The following WHRN variants were observed in gnomAD, a reference collection of about 807,000 sequenced individuals.
WHRN encodes whirlin, also known as CASK-interacting protein CIP98.
Under a neutral mutation model 68.3 loss-of-function variants are expected in WHRN, and 41 were observed. The observed-to-expected ratio is 0.60, with a 90% CI of 0.47 to 0.78. The LOEUF (loss-of-function observed/expected upper bound fraction) is 0.78. Ranked by LOEUF, WHRN falls within the 30% of genes least tolerant of loss-of-function variation. The pLI is 0.00. For synonymous variants in WHRN, 560 were observed against 561.3 expected, an observed-to-expected ratio of 1.00 and a Z score of 0.03; for missense variants, 1,243 against 1,244.7, an observed-to-expected ratio of 1.00 and a Z score of 0.02.
chr9:114,437,983 G>A (rs887789312), intron 3 of WHRN, among the ~76,000 whole-genome samples: 2 of 152,136 alleles, frequency 1.3e-5, no homozygotes, highest in Admixed American at 6.5e-5. Flanking sequence ...CATTATAAAT[G>A]GCCATTAAAT....
chr9:114,453,123 G>A (rs1048471787), intron 3 of WHRN, among the ~76,000 whole-genome samples: 3 of 152,234 alleles, frequency 2.0e-5, no homozygotes, highest in Admixed American at 6.5e-5. Flanking sequence ...TTGGCTCATG[G>A]TCCTGCAGGC....
intron 2 of WHRN, among the ~76,000 whole-genome samples, chr9:114,467,988 A>G (rs1589207727): frequency 6.6e-6 from 1 of 152,320 alleles, no homozygotes; most frequent in Admixed American, 6.5e-5. Flanking sequence ...AGAGTTATCA[A>G]GTGTTCTGTG....
intron 8 of WHRN, among the ~76,000 whole-genome samples, 164 bp downstream of exon 8, chr9:114,407,783 A>G (rs1835143831): frequency 6.6e-6 from 1 of 152,144 alleles, no homozygotes; most frequent in Non-Finnish European, 1.5e-5. Context: ...TAGAATGGTG[A>G]GCTTGTGCAC....
rs1250409659 is a variant in WHRN, at chr9:114,403,225, T to C, written c.2533A>G (p.Thr845Ala). 1 of 1,614,054 alleles carries C rather than the reference T, an allele frequency of 6.2e-7. No homozygotes were observed. The highest frequency in any genetic ancestry group is 8.5e-7 in the Non-Finnish European group (1 of 1,179,988). ...NTRQPLPRIV[T>A]IQRGGSAHNC... ...GGCCCCTGGGGACATACCTGAATAGTGACAATCCTAGGCAGGGGCTGGCGG... is the reference window on the plus strand; with the variant it reads ...GGCCCCTGGGGACATACCTGAATAGCGACAATCCTAGGCAGGGGCTGGCGG... Residue 845 changes from threonine (T) to alanine (A), a missense_variant, in exon 11 of 12, where the codon ACT (threonine) becomes GCT (alanine). Physicochemically the swap from Thr to Ala is moderately conservative, Grantham distance 58. Coordinates refer to ENST00000362057, the MANE Select transcript of WHRN (RefSeq NM_015404.4).
intron 3 of WHRN, among the ~76,000 whole-genome samples, chr9:114,443,469 C>G (rs1838554904): frequency 6.6e-6 from 1 of 152,186 alleles, no homozygotes; most frequent in Non-Finnish European, 1.5e-5. Context: ...AAGCCAGCAA[C>G]CTCGCACCAA....
intron 2 of WHRN, among the ~76,000 whole-genome samples, chr9:114,468,326 T>C (rs1340988401): frequency 6.6e-6 from 1 of 152,150 alleles, no homozygotes; most frequent in South Asian, 2.1e-4. Flanking sequence ...CCTGACAATG[T>C]CACACAGTCG....
chr9:114,416,964 G>A (rs1487737456), intron 7 of WHRN, among the ~76,000 whole-genome samples: 1 of 152,202 alleles, frequency 6.6e-6, no homozygotes, highest in Admixed American at 6.5e-5. Context: ...CCCAGAATCT[G>A]TGCAATTAAG....
At chr9:114,420,883 C>G (rs1188425069) in intron 7 of WHRN, among the ~76,000 whole-genome samples, 1 of 152,128 alleles carries the variant, frequency 6.6e-6, no homozygotes, top group African/African-American at 2.4e-5. Context: ...AGTAGTATCA[C>G]TGTCCCTCTG....
At chr9:114,435,007 T>C (rs966965504) in intron 3 of WHRN, among the ~76,000 whole-genome samples, 2 of 152,176 alleles carry the variant, frequency 1.3e-5, no homozygotes, top group African/African-American at 2.4e-5. Context: ...ATTGTTCCTC[T>C]GCCCAAAACG....
intron 3 of WHRN, among the ~76,000 whole-genome samples, chr9:114,464,230 A>G (rs1325550946): frequency 1.3e-5 from 2 of 152,246 alleles, no homozygotes; most frequent in Non-Finnish European, 2.9e-5. Context: ...GGGAAAGAAG[A>G]CACACGATCC....
rs1441658113 is a variant in WHRN at position 114,478,691 on chromosome 9, G to C, written c.699C>G (p.Ile233Met). The change falls in exon 2 of 12, where the codon ATC becomes ATG. Residue 233 changes from isoleucine (I) to methionine (M), a missense_variant. Coordinates refer to ENST00000362057, the MANE Select transcript of WHRN (RefSeq NM_015404.4). The part of the protein sequence containing the change: ...RIPGGYVTNH[I>M]YTWVDPQGRS... Reference sequence around the variant, plus strand: ...GGCCCTGCGGGTCCACCCAGGTGTAGATGTGGTTGGTGACGTAGCCCCCAG... The same window carrying C: ...GGCCCTGCGGGTCCACCCAGGTGTACATGTGGTTGGTGACGTAGCCCCCAG... 1 of 1,613,128 alleles carries C rather than the reference G, an allele frequency of 6.2e-7. No individual in the cohort carries two copies. Among genetic ancestry groups the C allele is most frequent in the Non-Finnish European group, 8.5e-7 (1 of 1,179,998 alleles).
rs1267531418 is a variant in WHRN at position 114,407,990 on chromosome 9, T to C, written c.1655A>G (p.Glu552Gly). ...GGCGTTGATATTGCCCTGGACAGCC[T>C]CGCCAGTTTCCTCCAGGTCCAGAGT... Reference protein sequence around the residue: ...RNTLDLEETGEAVQGNINALP... With the variant: ...RNTLDLEETGGAVQGNINALP... The change falls in exon 8 of 12, where the codon GAG becomes GGG. Residue 552 changes from glutamate (E) to glycine (G), a missense_variant. Physicochemically the swap from Glu to Gly is moderately conservative, Grantham distance 98 (BLOSUM62 -2). Coordinates refer to ENST00000362057, the MANE Select transcript of WHRN (RefSeq NM_015404.4). 2.5e-6 allele frequency: 4 copies of C among 1,604,360 alleles called. No homozygotes were observed.
Position 114,448,304 on chromosome 9 carries a change from G to A in WHRN, c.963+17963C>T, listed in dbSNP as rs368453157. ...GCAGAGACTAGAGTGACACTGCCAC[G>A]AGCCGAAGACCACCAGGAACCAGCA... On this transcript the variant is annotated intron_variant, in intron 3 of 11. Coordinates refer to ENST00000362057, the MANE Select transcript of WHRN (RefSeq NM_015404.4). Among the ~76,000 whole-genome samples, 345 of 152,240 alleles carry A rather than the reference G, an allele frequency of 2.3e-3. 1 individual carries two copies. Among genetic ancestry groups the A allele is most frequent in the African/African-American group, 7.4e-3 (306 of 41,506 alleles).
chr9:114,461,152 T>C (rs2088967987), intron 3 of WHRN, among the ~76,000 whole-genome samples: 1 of 152,224 alleles, frequency 6.6e-6, no homozygotes, highest in African/African-American at 2.4e-5. Flanking sequence ...GAGTGGACAC[T>C]TCTACGGAAT....
chr9:114,448,454 T>C (rs1164925363), intron 3 of WHRN, among the ~76,000 whole-genome samples: 1 of 152,130 alleles, frequency 6.6e-6, no homozygotes, highest in East Asian at 1.9e-4. Context: ...TCATTTGGTA[T>C]AGCAGCCCTA....
intron 7 of WHRN, among the ~76,000 whole-genome samples, chr9:114,413,054 T>G (rs2132259904): frequency 6.6e-6 from 1 of 152,326 alleles, no homozygotes; most frequent in East Asian, 1.9e-4. Flanking sequence ...CATCCCAAAA[T>G]GCACCAGAGG....
At chr9:114,444,796 A>T (rs936012163) in intron 3 of WHRN, among the ~76,000 whole-genome samples, 1 of 147,756 alleles carries the variant, frequency 6.8e-6, no homozygotes, top group Admixed American at 6.7e-5. Context: ...TATATATATA[A>T]TATATATATA....
Position 114,402,505 on chromosome 9 carries a change from C to T in WHRN, c.*249G>A. The T allele has an allele frequency of 1.8e-6, 1 of 568,124 alleles. No homozygotes were observed. Among genetic ancestry groups the T allele is most frequent in the Non-Finnish European group, 3.2e-6 (1 of 317,252 alleles). The allele number at this position is 568,124 out of a possible 1,614,324, so 35.2% of individuals were successfully genotyped here. On this transcript the variant is annotated 3_prime_UTR_variant, in exon 12 of 12. Transcript: ENST00000362057. The stretch of plus-strand genomic sequence containing the variant: ...TTCCTTTTCCTTTCTTCCTGTCTTG[C>T]AACCCACTTGTCCTGGGCGCCTACT...
intron 7 of WHRN, among the ~76,000 whole-genome samples, chr9:114,412,358 C>T (rs1835507062): frequency 1.3e-5 from 2 of 152,320 alleles, no homozygotes; most frequent in South Asian, 2.1e-4. Context: ...CACCCACACA[C>T]AATCACAGCC....
Sources: allele counts gnomAD v4.1 joint callset (sites outside exome capture counted in the v4.1 genomes callset), GRCh38; gene constraint gnomAD v4.1.1; transcripts MANE v1.5; gene names NCBI Gene and HGNC (gene_info 2026-07-23, HGNC 2026-07-21).